The following NFYC variants were observed in gnomAD, a reference collection of about 807,000 sequenced individuals.
The protein encoded by NFYC is nuclear transcription factor Y subunit gamma, also known as CAAT box DNA-binding protein subunit C.
NFYC carries 25 observed loss-of-function variants against 53.1 expected under a neutral mutation model. That is an observed-to-expected ratio of 0.47 (90% CI 0.34 to 0.66). The LOEUF is 0.66. Among genes scored for constraint, NFYC ranks in the 30% least tolerant of loss-of-function variants. NFYC has a pLI of 0.01. For missense variants in NFYC, 260 were observed against 422.7 expected (o/e 0.62, Z 3.38); for synonymous variants, 145 against 152.6 (o/e 0.95, Z 0.37).
At chr1:40,737,333 C>CTT (rs112649877) in intron 1 of NFYC, among the ~76,000 whole-genome samples, 10,792 of 142,572 alleles carry the variant, frequency 0.076, 798 homozygotes, top group African/African-American at 0.19. Flanking sequence ...TTTAATTCTA[C>CTT]TTTTTTTTTT....
At chr1:40,769,555 G>A (rs1274395161) in intron 9 of NFYC, 140 bp downstream of exon 9, 4 of 714,402 alleles carry the variant, frequency 5.6e-6, no homozygotes, top group African/African-American at 1.8e-5. Context: ...AAACAAGTAC[G>A]GTATTTAAAT....
intron 1 of NFYC, among the ~76,000 whole-genome samples, chr1:40,706,901 G>A (rs1643717979): frequency 6.6e-6 from 1 of 152,150 alleles, no homozygotes; most frequent in African/African-American, 2.4e-5. Flanking sequence ...CGGGCGTGGT[G>A]GCTCATGCCT....
intron 2 of NFYC, among the ~76,000 whole-genome samples, chr1:40,741,529 GTCTTA>G (rs1036192944): frequency 1.1e-4 from 17 of 151,734 alleles, no homozygotes; most frequent in African/African-American, 3.9e-4. Context: ...TTGTCTTTTT[GTCTTA>G]TCTTATTTCA....
At chr1:40,705,557 G>A (rs902320608) in intron 1 of NFYC, among the ~76,000 whole-genome samples, 1 of 152,156 alleles carries the variant, frequency 6.6e-6, no homozygotes, top group Non-Finnish European at 1.5e-5. Flanking sequence ...TTTTAACAGT[G>A]TACTCTTGTT....
chr1:40,737,362 T>C (rs1276760752), intron 1 of NFYC, among the ~76,000 whole-genome samples: 1 of 149,896 alleles, frequency 6.7e-6, no homozygotes, highest in East Asian at 2.0e-4. Flanking sequence ...GGAGTCTTGC[T>C]CTGTTGCCCA....
Position 40,770,052 on chromosome 1 carries a change from T to A in NFYC, c.888+637T>A, listed in dbSNP as rs1647009404. Among the ~76,000 whole-genome samples the A allele has an allele frequency of 6.6e-6, 1 of 152,180 alleles. No homozygotes were observed. The highest frequency in any genetic ancestry group is 6.5e-5 in the Admixed American group (1 of 15,278). ...GCCAGCACCACATGCTAGGCTTACA[T>A]GCCAGGGCTCCCATGAGGGCTTGGC... On this transcript the variant is annotated intron_variant, in intron 9 of 9. Transcript: ENST00000447388. This position sits in a 1 kb window ranked among gnomAD's most constrained non-coding sequence, Gnocchi z 5.3.
chr1:40,732,804 A>T (rs1644831015), intron 1 of NFYC, among the ~76,000 whole-genome samples: 1 of 152,062 alleles, frequency 6.6e-6, no homozygotes, highest in African/African-American at 2.4e-5. Flanking sequence ...ACTGTCTTAG[A>T]TGTTTGTGTG....
At chr1:40,732,802 A>G (rs1226026754) in intron 1 of NFYC, among the ~76,000 whole-genome samples, 2 of 152,082 alleles carry the variant, frequency 1.3e-5, no homozygotes, top group East Asian at 3.8e-4. Flanking sequence ...GCACTGTCTT[A>G]GATGTTTGTG....
chr1:40,692,021 G>A (rs1642830051), intron 1 of NFYC, 154 bp downstream of exon 1: 1 of 210,920 alleles, frequency 4.7e-6, no homozygotes, highest in Non-Finnish European at 1.0e-5. Context: ...TTGTGCTCTT[G>A]CCTGGCCCGC....
rs765106520 is a variant in NFYC at position 40,770,642 on chromosome 1, G to A, written c.889-67G>A. ...TATCTGGGACCCCCAACCAGCTCGA[G>A]ACCCATAGGGAGCTGCATGCCCCTC... On this transcript the variant is annotated intron_variant, in intron 9 of 9. Coordinates refer to ENST00000447388, the MANE Select transcript of NFYC (RefSeq NM_014223.5). The surrounding 1 kb of genome is among the most constrained non-coding windows in gnomAD (Gnocchi z 5.3). The A allele has an allele frequency of 1.9e-6, 3 of 1,613,904 alleles. No homozygotes were observed. In the East Asian group the frequency reaches 6.7e-5, roughly 36 times the overall value.
Position 40,714,863 on chromosome 1 carries a change from G to A in NFYC, c.-9+22996G>A, listed in dbSNP as rs187384680. Among the ~76,000 whole-genome samples the A allele has an allele frequency of 1.5e-3, 233 of 150,786 alleles. 2 individuals carry two copies. The highest frequency in any genetic ancestry group is 0.015 in the Admixed American group (221 of 15,164). On this transcript the variant is annotated intron_variant, in intron 1 of 9. Transcript: ENST00000447388. ...TGGGAGGCCGAGGCAGGCAGATCAC[G>A]AGGTCAGGAGATCAAGACCATCCTG...
chr1:40,697,885 C>T (rs1557727672), intron 1 of NFYC, among the ~76,000 whole-genome samples: 1 of 152,216 alleles, frequency 6.6e-6, no homozygotes, highest in African/African-American at 2.4e-5. Context: ...CACCTGTACT[C>T]ATTTTCAGTA....
At chr1:40,759,545 A>C (rs1043310461) in intron 6 of NFYC, among the ~76,000 whole-genome samples, 3 of 133,064 alleles carry the variant, frequency 2.3e-5, no homozygotes, top group Non-Finnish European at 3.2e-5. Context: ...CAAAAAAAAA[A>C]CAAAAAAAAG....
intron 1 of NFYC, among the ~76,000 whole-genome samples, chr1:40,726,584 A>AT (rs1351083030): frequency 1.3e-5 from 2 of 151,838 alleles, no homozygotes; most frequent in South Asian, 2.1e-4. Flanking sequence ...TGATTTTTGT[A>AT]TTTTTTGTAT....
chr1:40,765,717 C>A lies in NFYC; in HGVS notation c.721-879C>A, dbSNP rs567677437. On this transcript the variant is annotated intron_variant, in intron 7 of 9. Transcript: ENST00000447388. Reference sequence around the variant, plus strand: ...TGTGAATGTCTGCAGTCCTCCTCTGCTGACCATCATCTTTGCTGAGCTACA... The same window carrying A: ...TGTGAATGTCTGCAGTCCTCCTCTGATGACCATCATCTTTGCTGAGCTACA... Among the ~76,000 whole-genome samples, 15 of 152,348 alleles carry A rather than the reference C, an allele frequency of 9.8e-5. No homozygotes were observed. In the South Asian group the frequency reaches 2.7e-3, roughly 27 times the overall value.
intron 2 of NFYC, among the ~76,000 whole-genome samples, chr1:40,745,643 C>T (rs951135774): frequency 1.3e-5 from 2 of 152,082 alleles, no homozygotes; most frequent in Non-Finnish European, 2.9e-5. Flanking sequence ...CAGGCAAATT[C>T]CCAGCATCCC....
At chr1:40,767,485 G>A (rs1646876127) in intron 8 of NFYC, among the ~76,000 whole-genome samples, 2 of 152,112 alleles carry the variant, frequency 1.3e-5, no homozygotes, top group Non-Finnish European at 2.9e-5. Context: ...GTTCCATATA[G>A]TCTCTGGGAT....
At chr1:40,763,334 C>T (rs1225159725) in intron 7 of NFYC, 14 of 464,618 alleles carry the variant, frequency 3.0e-5, no homozygotes, top group Non-Finnish European at 4.3e-5. Context: ...ATATATCACA[C>T]GCATGCATAA....
intron 1 of NFYC, among the ~76,000 whole-genome samples, chr1:40,729,886 G>C (rs1644687017): frequency 6.6e-6 from 1 of 152,106 alleles, no homozygotes; most frequent in African/African-American, 2.4e-5. Context: ...ATGTTGGTCA[G>C]GGTGGTCTTG....
Sources: gnomAD v4.1 joint callset for allele counts (sites outside exome capture counted in the v4.1 genomes callset) on GRCh38, gnomAD v4.1.1 for gene constraint, Gnocchi (gnomAD v3.1) non-coding constraint, MANE v1.5 for transcripts, NCBI Gene and HGNC (gene_info 2026-07-23, HGNC 2026-07-21) for gene names.